Variants in VPS13B observed in about 807,000 individuals in gnomAD.
The protein encoded by VPS13B is intermembrane lipid transfer protein VPS13B.
VPS13B carries 285 observed loss-of-function variants against 426.4 expected under a neutral mutation model. That is an observed-to-expected ratio of 0.67 (90% CI 0.61 to 0.74). VPS13B has a LOEUF of 0.74. Ranked by LOEUF, VPS13B falls within the 30% of genes least tolerant of loss-of-function variation. VPS13B has a pLI of 0.00. For missense variants in VPS13B, 4,537 were observed against 4,782.6 expected, an observed-to-expected ratio of 0.95 and a Z score of 1.51; for synonymous variants, 1,676 against 1,676.4, an observed-to-expected ratio of 1.00 and a Z score of 0.01.
At chr8:99,393,393 A>C (rs1213898890) in intron 21 of VPS13B, among the ~76,000 whole-genome samples, 1 of 152,128 alleles carries the variant, frequency 6.6e-6, no homozygotes, top group Middle Eastern at 3.2e-3. Context: ...AGCTGAAAAC[A>C]TAATTTCTCA....
rs188030143 is a variant in VPS13B, at chr8:99,853,644, T to C, written c.10255T>C (p.Cys3419Arg). Residue 3419 changes from cysteine to arginine, a missense_variant, in exon 56 of 62, where the codon TGT becomes CGT. Around this residue, in one of 2 missense-constraint regions of VPS13B, gnomAD observed 4,311 missense variants for 4,474.3 expected, o/e 0.96. Coordinates refer to ENST00000357162, the MANE Select transcript of VPS13B (RefSeq NM_152564.5). ...TGTGGCTGCGTTGTTTGAACTTTAC[T>C]GTGTGGAGATCTGCTGTGGGGACCT... ...EPVAALFELY[C>R]VEICCGDLQL... is the part of the protein sequence containing the mutation. The C allele has an allele frequency of 6.8e-6, 11 of 1,614,206 alleles. 1 individual carries two copies. The Admixed American group carries it at 1.5e-4, about 22-fold the overall frequency.
At chr8:99,212,949 T>C (rs1026803322) in intron 17 of VPS13B, among the ~76,000 whole-genome samples, 8 of 152,198 alleles carry the variant, frequency 5.3e-5, no homozygotes, top group African/African-American at 1.9e-4. Context: ...CAAAATCTTA[T>C]TCTTTCTTTA....
rs538028112 is a variant in VPS13B at position 99,482,513 on chromosome 8, C to T, written c.3870+711C>T. 2.9e-4 allele frequency among the ~76,000 whole-genome samples: 44 copies of T among 152,166 alleles called. 1 individual carries two copies. The highest frequency in any genetic ancestry group is 2.4e-3 in the Admixed American group (36 of 15,280). On this transcript the variant is annotated intron_variant, in intron 25 of 61. Coordinates refer to ENST00000357162, the MANE Select transcript of VPS13B (RefSeq NM_152564.5). ...GGCATGACTACATTAGAAGACATAA[C>T]GGAATAGTCACATGCAATTACTGTG...
At chr8:99,692,506 A>C (rs1428999822) in intron 35 of VPS13B, among the ~76,000 whole-genome samples, 1 of 149,490 alleles carries the variant, frequency 6.7e-6, no homozygotes, top group Non-Finnish European at 1.5e-5. Flanking sequence ...GAGAACAAAG[A>C]CACAACATAC....
At chr8:99,314,845 T>C (rs1821222619) in intron 19 of VPS13B, among the ~76,000 whole-genome samples, 1 of 152,244 alleles carries the variant, frequency 6.6e-6, no homozygotes, top group African/African-American at 2.4e-5. Context: ...TAATGTATCC[T>C]CTTGCTGAAC....
chr8:99,234,118 G>GT, intron 17 of VPS13B: 1 of 784,266 alleles, frequency 1.3e-6, no homozygotes, highest in South Asian at 1.3e-5. Flanking sequence ...CGGAAGAGTG[G>GT]TCCCCACCCT....
intron 39 of VPS13B, among the ~76,000 whole-genome samples, chr8:99,747,419 A>C (rs1365752151): frequency 2.0e-5 from 3 of 152,096 alleles, no homozygotes; most frequent in African/African-American, 7.2e-5. Context: ...AGGTGAAAAA[A>C]TTCATAATTC....
chr8:99,379,367 G>C (rs917660526), intron 19 of VPS13B, among the ~76,000 whole-genome samples: 2 of 151,986 alleles, frequency 1.3e-5, no homozygotes, highest in African/African-American at 4.8e-5. Flanking sequence ...TGGGCGGGGG[G>C]GCAACAGAAC....
At chr8:99,626,652 C>T (rs538745769) in intron 33 of VPS13B, among the ~76,000 whole-genome samples, 64 of 152,074 alleles carry the variant, frequency 4.2e-4, no homozygotes, top group African/African-American at 1.2e-3. Flanking sequence ...TGCGAGGATG[C>T]GGAGAAAAAG....
chr8:99,265,943 C>G (rs1818271887), intron 17 of VPS13B, among the ~76,000 whole-genome samples: 1 of 152,010 alleles, frequency 6.6e-6, no homozygotes, highest in Non-Finnish European at 1.5e-5. Flanking sequence ...ATTTTCGTTT[C>G]TTTGTTAGTT....
intron 3 of VPS13B, among the ~76,000 whole-genome samples, chr8:99,087,316 T>A (rs531405442): frequency 1.3e-5 from 2 of 152,246 alleles, no homozygotes; most frequent in Non-Finnish European, 2.9e-5. Context: ...AAGCACAGTA[T>A]TAGGGTGGGA....
At chr8:99,302,373 A>G (rs746888815) in intron 19 of VPS13B, among the ~76,000 whole-genome samples, 21 of 152,358 alleles carry the variant, frequency 1.4e-4, no homozygotes, top group Admixed American at 3.3e-4. Context: ...TAACCTACTG[A>G]ACATCAGCTT....
chr8:99,270,429 G>A (rs568856615), intron 17 of VPS13B, among the ~76,000 whole-genome samples: 7 of 151,886 alleles, frequency 4.6e-5, no homozygotes, highest in South Asian at 2.1e-4. Context: ...GTGAGCCACC[G>A]CGCCTGGCCA....
At chr8:99,336,627 G>A (rs370175151) in intron 19 of VPS13B, among the ~76,000 whole-genome samples, 44 of 152,036 alleles carry the variant, frequency 2.9e-4, no homozygotes, top group Admixed American at 1.0e-3. Context: ...ACAAAGGGCT[G>A]ATATCCAGAA....
intron 35 of VPS13B, among the ~76,000 whole-genome samples, chr8:99,692,840 C>T (rs1436695071): frequency 2.1e-5 from 3 of 146,114 alleles, no homozygotes; most frequent in Non-Finnish European, 4.5e-5. Context: ...CAAATAGACA[C>T]AATAAAAAAT....
rs115619523 is a variant in VPS13B at position 99,303,393 on chromosome 8, T to C, written c.2824+28139T>C. On this transcript the variant is annotated intron_variant, in intron 19 of 61. Coordinates refer to ENST00000357162, the MANE Select transcript of VPS13B (RefSeq NM_152564.5). ...AGATTCCCCTTGATTCATAGAGTGC[T>C]TTATCTTTGTAACTAGCTATATTTT... Among the ~76,000 whole-genome samples, 515 of 152,054 alleles carry C rather than the reference T, an allele frequency of 3.4e-3. 5 individuals are homozygous for C. The highest frequency in any genetic ancestry group is 0.012 in the African/African-American group (495 of 41,486).
intron 3 of VPS13B, among the ~76,000 whole-genome samples, chr8:99,089,977 G>T (rs1846052846): frequency 6.6e-6 from 1 of 152,148 alleles, no homozygotes; most frequent in Non-Finnish European, 1.5e-5. Context: ...TAAGATTTCT[G>T]TTTTAATGTT....
chr8:99,816,127 A>C (rs2130806629), intron 44 of VPS13B, among the ~76,000 whole-genome samples: 1 of 143,144 alleles, frequency 7.0e-6, no homozygotes, highest in African/African-American at 2.6e-5. Flanking sequence ...TTTTAGACGG[A>C]GTTTTACTCT....
Position 99,859,473 on chromosome 8 carries a change from C to T in VPS13B, c.11037C>T (p.Ile3679=), listed in dbSNP as rs775498187. ...SRGTTSFVKH[I]SKGTLTSITN... ...GGACCACATCGTTTGTAAAGCACAT[C>T]TCCAAAGGTAGCGGGTTCCGTTCCT... Residue 3679 remains isoleucine (I), a synonymous_variant, in exon 57 of 62, where the codon ATC becomes ATT. Transcript: ENST00000357162. 6.2e-7 allele frequency: 1 copy of T among 1,613,678 alleles called. No individual in the cohort carries two copies. Among genetic ancestry groups the T allele is most frequent in the South Asian group, 1.1e-5 (1 of 91,066 alleles).
Sources: gnomAD v4.1 joint callset for allele counts (sites outside exome capture counted in the v4.1 genomes callset) on GRCh38, gnomAD v4.1.1 for gene constraint, gnomAD v4.1.1 regional missense constraint, MANE v1.5 for transcripts, NCBI Gene and HGNC (gene_info 2026-07-23, HGNC 2026-07-21) for gene names.